Variants in PCSK2 observed in about 807,000 individuals in gnomAD.
The protein encoded by PCSK2 is proprotein convertase subtilisin/kexin type 2, also known as neuroendocrine convertase 2.
PCSK2 carries 14 observed loss-of-function variants against 69.7 expected under a neutral mutation model. That is an observed-to-expected ratio of 0.20 (90% CI 0.13 to 0.31). PCSK2 has a LOEUF of 0.31. Among genes scored for constraint, PCSK2 ranks in the 10% least tolerant of loss-of-function variants. The probability of loss-of-function intolerance (pLI) is 1.00; values close to 1 mark genes in which losing one functional copy is unlikely to be tolerated. For synonymous variants in PCSK2, 307 were observed against 320.7 expected (o/e 0.96, Z 0.46); for missense variants, 544 against 842.5 (o/e 0.65, Z 4.39).
intron 2 of PCSK2, among the ~76,000 whole-genome samples, chr20:17,348,355 G>A (rs1158796192): frequency 6.6e-6 from 1 of 152,202 alleles, no homozygotes; most frequent in Non-Finnish European, 1.5e-5. Flanking sequence ...AACAAGGGAA[G>A]TCACTACCCC....
chr20:17,426,758 G>A (rs576345863), intron 6 of PCSK2, among the ~76,000 whole-genome samples: 1 of 152,316 alleles, frequency 6.6e-6, no homozygotes, highest in South Asian at 2.1e-4. Context: ...CTCAGAGAAG[G>A]CCAGATCTTT....
intron 2 of PCSK2, among the ~76,000 whole-genome samples, chr20:17,303,994 G>C (rs533709964): frequency 6.7e-6 from 1 of 149,268 alleles, no homozygotes; most frequent in Non-Finnish European, 1.5e-5. Flanking sequence ...ACCATATATA[G>C]CTATTACATA....
intron 5 of PCSK2, among the ~76,000 whole-genome samples, chr20:17,377,477 C>T (rs992238278): frequency 2.0e-5 from 3 of 152,278 alleles, no homozygotes; most frequent in South Asian, 2.1e-4. Flanking sequence ...GATAAAAGGG[C>T]GACAGCAAGA....
At position 17,347,952 on chromosome 20, in the gene PCSK2, GAAA is replaced by G. The variant is rs1990722999; in HGVS notation, c.283-10374_283-10372del. On this transcript the variant is annotated intron_variant, in intron 2 of 11. Transcript: ENST00000262545. ...GAAAAAAGAGAAAGAAAGAAAGAAA[GAAA>G]GAAAGAGAAAGAAAGAAAGAAAGAA... Among the ~76,000 whole-genome samples the G allele has an allele frequency of 3.4e-5, 2 of 58,160 alleles. 1 individual carries two copies. The highest frequency in any genetic ancestry group is 9.8e-5 in the African/African-American group (2 of 20,426). 38.2% of individuals were successfully genotyped at this position (58,160 alleles called of 152,430 possible).
chr20:17,413,102 G>C (rs939078003), intron 6 of PCSK2, among the ~76,000 whole-genome samples: 13 of 152,188 alleles, frequency 8.5e-5, no homozygotes, highest in Non-Finnish European at 1.5e-4. Context: ...GACCATCAAT[G>C]CTAGGAAGAA....
chr20:17,364,770 C>A (rs1019373325), intron 4 of PCSK2, among the ~76,000 whole-genome samples: 17 of 152,174 alleles, frequency 1.1e-4, no homozygotes, highest in African/African-American at 4.1e-4. Context: ...AAGAGCCTGG[C>A]TGGGCACTGC....
chr20:17,252,641 T>A (rs1349857286), intron 1 of PCSK2, among the ~76,000 whole-genome samples: 2 of 152,166 alleles, frequency 1.3e-5, no homozygotes, highest in African/African-American at 4.8e-5. Flanking sequence ...GCTTCAGAAC[T>A]CATGTTCTTA....
chr20:17,242,236 A>T (rs1986604855), intron 1 of PCSK2, among the ~76,000 whole-genome samples: 1 of 152,238 alleles, frequency 6.6e-6, no homozygotes, highest in Non-Finnish European at 1.5e-5. Flanking sequence ...ATGGCATAGG[A>T]GTAGGCAGGG....
intron 2 of PCSK2, among the ~76,000 whole-genome samples, chr20:17,326,959 C>T (rs1389872972): frequency 6.6e-6 from 1 of 152,176 alleles, no homozygotes; most frequent in African/African-American, 2.4e-5. Context: ...CTTCCAGCCT[C>T]ACTCCACTGT....
At position 17,459,444 on chromosome 20, in the gene PCSK2, A is replaced by T. The variant is rs533280786; in HGVS notation, c.1202+2996A>T. On this transcript the variant is annotated intron_variant, in intron 10 of 11. Coordinates refer to ENST00000262545, the MANE Select transcript of PCSK2 (RefSeq NM_002594.5). ...TCTGTTGAGCGTCTACTAGGGAGTCAAAATGTTGGGTCATTAATATACATA... is the reference window on the plus strand; with the variant it reads ...TCTGTTGAGCGTCTACTAGGGAGTCTAAATGTTGGGTCATTAATATACATA... Among the ~76,000 whole-genome samples, 3 of 152,326 alleles carry T rather than the reference A, an allele frequency of 2.0e-5. No homozygotes were observed. The South Asian group carries it at 6.2e-4, about 32-fold the overall frequency.
intron 10 of PCSK2, among the ~76,000 whole-genome samples, chr20:17,456,844 G>A (rs919189): frequency 0.58 from 88,286 of 152,138 alleles, 25,894 homozygotes; most frequent in South Asian, 0.71. Context: ...CAAATTGCCA[G>A]GCTGGTGTTT....
chr20:17,451,084 C>A (rs1387792748), intron 8 of PCSK2, among the ~76,000 whole-genome samples: 1 of 152,142 alleles, frequency 6.6e-6, no homozygotes, highest in Non-Finnish European at 1.5e-5. Flanking sequence ...AGCAAGGACA[C>A]AATTATTATT....
chr20:17,321,691 G>T (rs1488558670), intron 2 of PCSK2, among the ~76,000 whole-genome samples: 2 of 152,154 alleles, frequency 1.3e-5, no homozygotes, highest in African/African-American at 2.4e-5. Context: ...AACTGCTAGA[G>T]TCTGCAAGAT....
At chr20:17,328,980 T>G (rs1159808612) in intron 2 of PCSK2, among the ~76,000 whole-genome samples, 1 of 152,174 alleles carries the variant, frequency 6.6e-6, no homozygotes, top group Non-Finnish European at 1.5e-5. Flanking sequence ...CTTGATGAAT[T>G]AGAGTTCTTT....
intron 8 of PCSK2, among the ~76,000 whole-genome samples, chr20:17,449,092 T>G (rs2032755434): frequency 6.6e-6 from 1 of 151,972 alleles, no homozygotes; most frequent in African/African-American, 2.4e-5. Context: ...CCCAGGCTGG[T>G]CTCAAACTCT....
Position 17,227,336 on chromosome 20 carries a change from G to A in PCSK2, c.31G>A (p.Ala11Thr). MKGGCVSQWK[A>T]AAGFLFCVMV... ...GGGTGGTTGTGTCTCCCAGTGGAAG[G>A]CGGCCGCCGGGTTCCTCTTCTGTGT... Residue 11 changes from alanine (A) to threonine (T), a missense_variant, in exon 1 of 12, where the codon GCG (alanine) becomes ACG (threonine). Physicochemically the swap from Ala to Thr is moderately conservative, Grantham distance 58. This residue lies in a region of PCSK2 where 157 missense variants were observed against 155.0 expected (regional missense o/e 1.01). Transcript: ENST00000262545. The A allele has an allele frequency of 6.2e-7, 1 of 1,613,932 alleles. No homozygotes were observed. The highest frequency in any genetic ancestry group is 8.5e-7 in the Non-Finnish European group (1 of 1,179,976).
chr20:17,273,397 C>A (rs1320448194), intron 2 of PCSK2, among the ~76,000 whole-genome samples: 1 of 152,054 alleles, frequency 6.6e-6, no homozygotes, highest in Non-Finnish European at 1.5e-5. Context: ...AATTTTTAAT[C>A]CCTATCATGG....
intron 9 of PCSK2, among the ~76,000 whole-genome samples, chr20:17,455,444 T>C (rs2032902072): frequency 6.6e-6 from 1 of 152,102 alleles, no homozygotes; most frequent in South Asian, 2.1e-4. Context: ...TAAATAAGAG[T>C]TGTGGAGGTG....
At chr20:17,456,619 A>T (rs2032927988) in intron 10 of PCSK2, among the ~76,000 whole-genome samples, 171 bp downstream of exon 10, 1 of 152,238 alleles carries the variant, frequency 6.6e-6, no homozygotes, top group African/African-American at 2.4e-5. Context: ...GCCCACCAGC[A>T]CACGTGCGTG....
Sources: gnomAD v4.1 joint callset for allele counts (sites outside exome capture counted in the v4.1 genomes callset) on GRCh38, gnomAD v4.1.1 for gene constraint, gnomAD v4.1.1 regional missense constraint, MANE v1.5 for transcripts, NCBI Gene and HGNC (gene_info 2026-07-23, HGNC 2026-07-21) for gene names.